Variants in PRDM16 observed in about 807,000 individuals in gnomAD.
The protein encoded by PRDM16 is histone-lysine N-methyltransferase PRDM16.
A neutral mutation model predicts 110.6 loss-of-function variants in PRDM16; 23 were observed. The observed-to-expected ratio is 0.21, with a 90% CI of 0.15 to 0.29. PRDM16 has a LOEUF of 0.29. Among genes scored for constraint, PRDM16 ranks in the 10% least tolerant of loss-of-function variants. The probability of loss-of-function intolerance (pLI) is 1.00; values close to 1 mark genes in which losing one functional copy is unlikely to be tolerated. For synonymous variants in PRDM16, 799 were observed against 781.8 expected (o/e 1.02, Z -0.37); for missense variants, 1,615 against 1,794.3 (o/e 0.90, Z 1.81).
rs199592159 is a variant in PRDM16, at chr1:3,265,923, G to A, written c.438+21786G>A. Among the ~76,000 whole-genome samples, 2 of 152,034 alleles carry A rather than the reference G, an allele frequency of 1.3e-5. No individual in the cohort carries two copies. The highest frequency in any genetic ancestry group is 2.9e-5 in the Non-Finnish European group (2 of 67,996). On this transcript the variant is annotated intron_variant, in intron 3 of 16. Transcript: ENST00000270722. The surrounding 1 kb of genome is among the most constrained non-coding windows in gnomAD (Gnocchi z 4.5). ...ACTGCTCCCCAGGGTTCCTTGGTGCGTGTCTCATAAAGCCCAGGAGGGCGA... is the reference window on the plus strand; with the variant it reads ...ACTGCTCCCCAGGGTTCCTTGGTGCATGTCTCATAAAGCCCAGGAGGGCGA...
Position 3,175,697 on chromosome 1 carries a change from T to C in PRDM16, c.38-10428T>C, listed in dbSNP as rs1418740031. ...AACTCAGACCTGCCCACCCGCCACA[T>C]GGGTGCAGGGAGGGTGACAGCCGGT... is the stretch of plus-strand genomic sequence containing the variant. On this transcript the variant is annotated intron_variant, in intron 1 of 16. Transcript: ENST00000270722. This position sits in a 1 kb window ranked among gnomAD's most constrained non-coding sequence, Gnocchi z 4.8. Among the ~76,000 whole-genome samples, 1 of 152,110 alleles carries C rather than the reference T, an allele frequency of 6.6e-6. No homozygotes were observed. The highest frequency in any genetic ancestry group is 6.5e-5 in the Admixed American group (1 of 15,278).
At chr1:3,223,103 CTTTTTT>C (rs1172383270) in intron 2 of PRDM16, among the ~76,000 whole-genome samples, 5 of 73,994 alleles carry the variant, frequency 6.8e-5, no homozygotes, top group Admixed American at 1.7e-4. Flanking sequence ...AAAATCAAGG[CTTTTTT>C]TTTTTTTTTT....
rs1217217353 is a variant in PRDM16, at chr1:3,069,435, G to A, written c.37+139G>A. 2 of 147,440 alleles carry A rather than the reference G, an allele frequency of 1.4e-5. No homozygotes were observed. The highest frequency in any genetic ancestry group is 2.5e-5 in the African/African-American group (1 of 40,220). The allele number at this position is 147,440 out of a possible 1,614,324, so 9.1% of individuals were successfully genotyped here. A position where few individuals can be genotyped will look rare whatever the true frequency, so the allele number is the denominator to read the frequency against. ...CCCCGGCTCGGCCGCGCGGCCCGGG[G>A]GGCTGCTCCGCCTCCCGCGCTCCGG... is the stretch of plus-strand genomic sequence containing the variant. On this transcript the variant is annotated intron_variant, in intron 1 of 16. Coordinates refer to ENST00000270722, the MANE Select transcript of PRDM16 (RefSeq NM_022114.4). This position sits in a 1 kb window ranked among gnomAD's most constrained non-coding sequence, Gnocchi z 6.1.
intron 3 of PRDM16, among the ~76,000 whole-genome samples, chr1:3,329,707 T>G (rs1642002728): frequency 6.6e-6 from 1 of 152,226 alleles, no homozygotes; most frequent in Non-Finnish European, 1.5e-5. Flanking sequence ...AGTGTGATTC[T>G]GGCTGTGGGA....
intron 2 of PRDM16, among the ~76,000 whole-genome samples, chr1:3,188,010 A>G (rs1644291664): frequency 6.6e-6 from 1 of 152,192 alleles, no homozygotes; most frequent in African/African-American, 2.4e-5. Context: ...GAGACTGGCC[A>G]GGGCCAGGGG....
intron 2 of PRDM16, among the ~76,000 whole-genome samples, chr1:3,197,561 G>C (rs1240229128): frequency 6.6e-6 from 1 of 152,266 alleles, no homozygotes; most frequent in Non-Finnish European, 1.5e-5. Context: ...CAGGCGGTAG[G>C]CCTACGAGGG....
chr1:3,391,916 C>T (rs1311734345), intron 4 of PRDM16, among the ~76,000 whole-genome samples: 3 of 152,256 alleles, frequency 2.0e-5, no homozygotes, highest in African/African-American at 4.8e-5. Flanking sequence ...CCCCTGCTGG[C>T]GCTTAGGGCA....
intron 1 of PRDM16, among the ~76,000 whole-genome samples, chr1:3,112,424 T>C (rs1642816559): frequency 6.6e-6 from 1 of 152,240 alleles, no homozygotes; most frequent in Non-Finnish European, 1.5e-5. Context: ...TCTGTAAACA[T>C]TCTTTTTTCA....
intron 3 of PRDM16, among the ~76,000 whole-genome samples, chr1:3,310,281 C>T (rs1487055576): frequency 6.6e-6 from 1 of 152,130 alleles, no homozygotes; most frequent in Admixed American, 6.5e-5. Context: ...AGGCCGGATG[C>T]CTGCAGTGTG....
At chr1:3,121,453 A>G (rs1643092024) in intron 1 of PRDM16, among the ~76,000 whole-genome samples, 1 of 152,248 alleles carries the variant, frequency 6.6e-6, no homozygotes, top group Non-Finnish European at 1.5e-5. Flanking sequence ...ATGAAAACAA[A>G]ACACAGTGAG....
At position 3,431,952 on chromosome 1, in the gene PRDM16, G is replaced by C; in HGVS notation, c.3522-14G>C. Reference sequence around the variant, plus strand: ...CTGACAGCAGGCCTTCCCTCTCCCCGGTCATTGGTGCAGGTGTGCTGAGGA... The same window carrying C: ...CTGACAGCAGGCCTTCCCTCTCCCCCGTCATTGGTGCAGGTGTGCTGAGGA... On this transcript the variant is annotated splice_polypyrimidine_tract_variant and intron_variant, in intron 15 of 16. Transcript: ENST00000270722. The C allele has an allele frequency of 6.2e-7, 1 of 1,608,180 alleles. No individual in the cohort carries two copies. The highest frequency in any genetic ancestry group is 8.5e-7 in the Non-Finnish European group (1 of 1,176,600).
chr1:3,181,710 ACACACGCAGTCTTACACACG>A (rs1557510162), intron 1 of PRDM16, among the ~76,000 whole-genome samples: 1,874 of 128,354 alleles, frequency 0.015, 98 homozygotes, highest in South Asian at 0.023. Context: ...ACACGGTCTT[ACACACGCAGTCTTACACACG>A]GTCTTACACA....
chr1:3,095,036 T>C (rs2993490), intron 1 of PRDM16, among the ~76,000 whole-genome samples: 3,958 of 152,320 alleles, frequency 0.026, 172 homozygotes, highest in African/African-American at 0.09. Context: ...TGCCCTGGCC[T>C]ACTCCCCGGT....
rs760886229 is a variant in PRDM16 at position 3,186,184 on chromosome 1, A to G, written c.97A>G (p.Ser33Gly). ...CAACCGGGACCTGCTGGCCAGCCAC[A>G]GCGCGGAGGACGAGGCCGAGGACAG... ...EPNRDLLASHSAEDEAEDSAM... is the reference protein window; with the variant it reads ...EPNRDLLASHGAEDEAEDSAM... The change falls in exon 2 of 17, where the codon AGC (serine) becomes GGC (glycine). Residue 33 changes from serine to glycine, a missense_variant. Coordinates refer to ENST00000270722, the MANE Select transcript of PRDM16 (RefSeq NM_022114.4). 6.2e-6 allele frequency: 10 copies of G among 1,612,768 alleles called. No homozygotes were observed. Among genetic ancestry groups the G allele is most frequent in the Non-Finnish European group, 8.5e-6 (10 of 1,179,982 alleles).
At chr1:3,169,275 G>T (rs779086460) in intron 1 of PRDM16, among the ~76,000 whole-genome samples, 6 of 152,104 alleles carry the variant, frequency 3.9e-5, no homozygotes, top group Non-Finnish European at 7.4e-5. Context: ...TGATTCCTAA[G>T]GCCCTTCCAT....
intron 1 of PRDM16, among the ~76,000 whole-genome samples, chr1:3,105,105 G>A (rs2100626263): frequency 6.6e-6 from 1 of 152,174 alleles, no homozygotes; most frequent in African/African-American, 2.4e-5. Flanking sequence ...GCCTGGGCAG[G>A]AGGAGAAGCA....
intron 14 of PRDM16, among the ~76,000 whole-genome samples, chr1:3,426,571 C>A (rs1638612701): frequency 1.3e-5 from 2 of 152,212 alleles, no homozygotes; most frequent in South Asian, 4.1e-4. Context: ...TAATCTGAGG[C>A]ACTAAAGATT....
At chr1:3,238,890 G>A (rs76683556) in intron 2 of PRDM16, among the ~76,000 whole-genome samples, 139 of 152,314 alleles carry the variant, frequency 9.1e-4, no homozygotes, top group Non-Finnish European at 1.5e-3. Flanking sequence ...ACATCTGCCC[G>A]GTCACCTCAA....
chr1:3,286,235 G>T (rs1211809716), intron 3 of PRDM16, among the ~76,000 whole-genome samples: 2 of 152,210 alleles, frequency 1.3e-5, no homozygotes, highest in Non-Finnish European at 2.9e-5. Context: ...CAGACACCAG[G>T]AATATTGCAA....
Sources: allele counts gnomAD v4.1 joint callset (sites outside exome capture counted in the v4.1 genomes callset), GRCh38; gene constraint gnomAD v4.1.1; non-coding constraint Gnocchi (gnomAD v3.1); transcripts MANE v1.5; gene names NCBI Gene and HGNC (gene_info 2026-07-23, HGNC 2026-07-21).